Variants in RYR2 observed in about 807,000 individuals in gnomAD.
RYR2 encodes the protein cardiac muscle ryanodine receptor-calcium release channel.
In RYR2, 227 loss-of-function variants were observed where a neutral mutation model predicts 601.1. The ratio of observed to expected loss-of-function variants is 0.38; its 90% CI spans 0.34 to 0.42. The LOEUF (loss-of-function observed/expected upper bound fraction) is 0.42. RYR2 is among the 10% of genes least tolerant of loss of function. The probability of loss-of-function intolerance (pLI) is 1.00; values close to 1 mark genes in which losing one functional copy is unlikely to be tolerated. For synonymous variants in RYR2, 2,223 were observed against 2,175.1 expected (o/e 1.02, Z -0.61); for missense variants, 4,646 against 6,156.5 (o/e 0.75, Z 8.21).
At chr1:237,606,445 G>A (rs1179258763) in intron 35 of RYR2, among the ~76,000 whole-genome samples, 2 of 152,076 alleles carry the variant, frequency 1.3e-5, no homozygotes, top group African/African-American at 2.4e-5. Flanking sequence ...TTAAATGTTC[G>A]ACCTAAAACC....
intron 29 of RYR2, among the ~76,000 whole-genome samples, chr1:237,580,573 G>T (rs1231918230): frequency 6.6e-6 from 1 of 152,054 alleles, no homozygotes. Flanking sequence ...GGGTTCCTTG[G>T]GGCTCCACAC....
intron 3 of RYR2, among the ~76,000 whole-genome samples, chr1:237,354,985 G>A (rs1000692895): frequency 6.6e-6 from 1 of 152,108 alleles, no homozygotes; most frequent in Non-Finnish European, 1.5e-5. Flanking sequence ...TAATCACTCT[G>A]TATGTTGCTT....
At chr1:237,523,244 C>T (rs998167491) in intron 24 of RYR2, among the ~76,000 whole-genome samples, 1 of 152,104 alleles carries the variant, frequency 6.6e-6, no homozygotes, top group Non-Finnish European at 1.5e-5. Flanking sequence ...AAAAGTAAAA[C>T]TTTCTGTACT....
At chr1:237,782,861 T>C (rs1695235592) in intron 89 of RYR2, among the ~76,000 whole-genome samples, 1 of 152,144 alleles carries the variant, frequency 6.6e-6, no homozygotes, top group Admixed American at 6.5e-5. Flanking sequence ...CTGAGCACAT[T>C]AAGCCTGGAT....
intron 65 of RYR2, 77 bp from the exon 66 acceptor site, chr1:237,701,901 T>A: frequency 1.3e-6 from 1 of 779,824 alleles, no homozygotes. Flanking sequence ...AACTGAATAG[T>A]ACATAGCTTA....
chr1:237,111,907 C>T (rs1669518418), intron 1 of RYR2, among the ~76,000 whole-genome samples: 1 of 152,140 alleles, frequency 6.6e-6, no homozygotes. Context: ...ATGTAATTTA[C>T]TCCACTGTAA....
intron 79 of RYR2, among the ~76,000 whole-genome samples, chr1:237,740,794 C>G (rs1374450145): frequency 6.6e-6 from 1 of 152,112 alleles, no homozygotes; most frequent in Non-Finnish European, 1.5e-5. Context: ...CTAATGCACA[C>G]TGCTAATTAT....
chr1:237,799,260 T>C (rs1156338085), intron 97 of RYR2, among the ~76,000 whole-genome samples: 1 of 152,202 alleles, frequency 6.6e-6, no homozygotes, highest in South Asian at 2.1e-4. Context: ...ATCCTTAGGA[T>C]CTGTGTTCCT....
At chr1:237,595,813 C>T (rs1441197270) in intron 34 of RYR2, among the ~76,000 whole-genome samples, 156 bp downstream of exon 34, 1 of 152,116 alleles carries the variant, frequency 6.6e-6, no homozygotes, top group Non-Finnish European at 1.5e-5. Context: ...CTAGCAAGCC[C>T]TCCTCATAGC....
intron 52 of RYR2, among the ~76,000 whole-genome samples, chr1:237,655,075 T>C (rs1489116355): frequency 1.3e-5 from 2 of 152,212 alleles, no homozygotes; most frequent in Non-Finnish European, 2.9e-5. Context: ...TGCTACATAA[T>C]AGAAGAAAAT....
chr1:237,778,816 G>T (rs1271332581), intron 88 of RYR2, 46 bp downstream of exon 88: 2 of 923,216 alleles, frequency 2.2e-6, no homozygotes, highest in Admixed American at 1.7e-5. Context: ...ACAAACTGGA[G>T]ACTGTAATCA....
intron 29 of RYR2, among the ~76,000 whole-genome samples, chr1:237,578,540 A>G (rs1296998504): frequency 2.0e-5 from 3 of 152,212 alleles, no homozygotes; most frequent in Admixed American, 6.5e-5. Flanking sequence ...TCTCCCTTCC[A>G]TCTTCTAACA....
chr1:237,798,452 A>G (rs2149405706), intron 97 of RYR2, among the ~76,000 whole-genome samples: 1 of 152,306 alleles, frequency 6.6e-6, no homozygotes, highest in East Asian at 1.9e-4. Context: ...TCTTTAAATG[A>G]TCCTTAAATC....
chr1:237,724,761 A>ATGAGAGGAC (rs11282692), intron 74 of RYR2, among the ~76,000 whole-genome samples: 8 of 151,892 alleles, frequency 5.3e-5, no homozygotes, highest in East Asian at 3.9e-4. Flanking sequence ...TTAAATGGCT[A>ATGAGAGGAC]CATTTCTGAC....
chr1:237,129,372 G>A (rs1671903003), intron 1 of RYR2, among the ~76,000 whole-genome samples: 1 of 152,210 alleles, frequency 6.6e-6, no homozygotes, highest in African/African-American at 2.4e-5. Flanking sequence ...GAAGACAGAT[G>A]TTAGTGATGG....
At chr1:237,702,319 G>T (rs902103710) in intron 66 of RYR2, among the ~76,000 whole-genome samples, 2 of 152,166 alleles carry the variant, frequency 1.3e-5, no homozygotes, top group East Asian at 3.8e-4. Context: ...GAGTGTTTGA[G>T]TCTTATGAAA....
At chr1:237,734,921 A>G (rs545837490) in intron 79 of RYR2, among the ~76,000 whole-genome samples, 175 of 152,332 alleles carry the variant, frequency 1.1e-3, no homozygotes, top group African/African-American at 4.0e-3. Context: ...GTAGGAGTAG[A>G]TGATCTTACC....
chr1:237,264,611 G>A (rs1378175838), intron 1 of RYR2, among the ~76,000 whole-genome samples: 2 of 152,002 alleles, frequency 1.3e-5, no homozygotes, highest in African/African-American at 4.8e-5. Context: ...ATTGATTGAG[G>A]CCCTTTTATA....
rs765138478 is a variant in RYR2 at position 237,702,075 on chromosome 1, G to A, written c.9449+16G>A. ...ACGTGGAGAGGTAAGAATGTTTAAAGTTTAACTTTGTATTAATTGCTGCTT... is the reference window on the plus strand; with the variant it reads ...ACGTGGAGAGGTAAGAATGTTTAAAATTTAACTTTGTATTAATTGCTGCTT... On this transcript the variant is annotated intron_variant, in intron 66 of 104. Transcript: ENST00000366574. The A allele has an allele frequency of 2.3e-5, 32 of 1,409,730 alleles. No individual in the cohort carries two copies. The East Asian group carries it at 6.6e-4, about 29-fold the overall frequency. The allele number at this position is 1,409,730 out of a possible 1,614,324, so 87.3% of individuals were successfully genotyped here.
Sources: gnomAD v4.1 joint callset for allele counts (sites outside exome capture counted in the v4.1 genomes callset) on GRCh38, gnomAD v4.1.1 for gene constraint, MANE v1.5 for transcripts, NCBI Gene and HGNC (gene_info 2026-07-23, HGNC 2026-07-21) for gene names.